Variants in RCHY1 observed in about 807,000 individuals in gnomAD.
RCHY1 encodes the protein ring finger and CHY zinc finger domain containing 1.
RCHY1 carries 21 observed loss-of-function variants against 41.6 expected under a neutral mutation model. That is an observed-to-expected ratio of 0.51 (90% CI 0.36 to 0.73). RCHY1 has a LOEUF of 0.73. RCHY1 is among the 30% of genes least tolerant of loss of function. The pLI is 0.00. For synonymous variants in RCHY1, 79 were observed against 102.9 expected (o/e 0.77, Z 1.41); for missense variants, 265 against 325.3 (o/e 0.81, Z 1.43).
intron 3 of RCHY1, among the ~76,000 whole-genome samples, chr4:75,498,975 G>A (rs74337351): frequency 0.083 from 12,617 of 152,048 alleles, 890 homozygotes; most frequent in African/African-American, 0.18. Flanking sequence ...ACAGCACAGG[G>A]AAACAAACAA....
At chr4:75,508,179 C>T (rs1203986280) in intron 3 of RCHY1, among the ~76,000 whole-genome samples, 1 of 152,078 alleles carries the variant, frequency 6.6e-6, no homozygotes, top group Non-Finnish European at 1.5e-5. Flanking sequence ...GAAGAAAGGA[C>T]TGAACACGGA....
At chr4:75,495,303 G>C (rs1039083417) in intron 3 of RCHY1, among the ~76,000 whole-genome samples, 1 of 151,776 alleles carries the variant, frequency 6.6e-6, no homozygotes. Context: ...TATACTTCTA[G>C]TACTTACAGC....
At chr4:75,491,858 A>C in intron 5 of RCHY1, 31 bp downstream of exon 5, 1 of 1,605,152 alleles carries the variant, frequency 6.2e-7, no homozygotes, top group Non-Finnish European at 8.5e-7. Flanking sequence ...AAGAGCTGAG[A>C]CTTCCAAAGT....
chr4:75,508,887 A>G lies in RCHY1; in HGVS notation c.259T>C (p.Cys87Arg). The change falls in exon 3 of 9, where the codon TGC becomes CGC. Residue 87 changes from cysteine (C) to arginine (R), a missense_variant. By Grantham distance (180) the Cys-to-Arg change is radical (BLOSUM62 -3). Transcript: ENST00000324439. ...ECSTLFGEYY[C>R]DICHLFDKDK... The stretch of plus-strand genomic sequence containing the variant: ...TTGTCAAACAAATGGCATATATCGC[A>G]ATAATATTCTCCAAACAATGTGCTA... 6.2e-7 allele frequency: 1 copy of G among 1,611,600 alleles called. No individual in the cohort carries two copies. Among genetic ancestry groups the G allele is most frequent in the Non-Finnish European group, 8.5e-7 (1 of 1,179,060 alleles).
Position 75,495,541 on chromosome 4 carries a change from G to A in RCHY1, c.327-1362C>T, listed in dbSNP as rs139943147. On this transcript the variant is annotated intron_variant, in intron 3 of 8. Transcript: ENST00000324439. ...AAAATTCTGCATTGTACCCTCAAGAGGAAAAATATGCCTTCCCTTCACCTA... is the reference window on the plus strand; with the variant it reads ...AAAATTCTGCATTGTACCCTCAAGAAGAAAAATATGCCTTCCCTTCACCTA... 9.6e-3 allele frequency among the ~76,000 whole-genome samples: 1,466 copies of A among 152,076 alleles called. 20 individuals carry two copies. Among genetic ancestry groups the A allele is most frequent in the Non-Finnish European group, 0.012 (831 of 67,924 alleles).
chr4:75,493,200 A>C (rs1161439284), intron 4 of RCHY1, among the ~76,000 whole-genome samples: 1 of 152,020 alleles, frequency 6.6e-6, no homozygotes, highest in Admixed American at 6.6e-5. Context: ...AAAAATTTAC[A>C]ATCTACTAAT....
chr4:75,495,087 A>C (rs1723076541), intron 3 of RCHY1, among the ~76,000 whole-genome samples: 4 of 151,952 alleles, frequency 2.6e-5, no homozygotes, highest in African/African-American at 9.7e-5. Context: ...CGCATGTATT[A>C]TATTTATATA....
chr4:75,485,541 T>A (rs965002291), intron 8 of RCHY1, among the ~76,000 whole-genome samples: 1 of 152,230 alleles, frequency 6.6e-6, no homozygotes, highest in Non-Finnish European at 1.5e-5. Context: ...TAACTTTTAC[T>A]CACACCATTT....
At chr4:75,494,224 A>G in intron 3 of RCHY1, 45 bp from the exon 4 acceptor site, 3 of 1,318,432 alleles carry the variant, frequency 2.3e-6, no homozygotes, top group Non-Finnish European at 3.2e-6. Flanking sequence ...ATTTTTTACT[A>G]CAGTCATGAT....
intron 1 of RCHY1, among the ~76,000 whole-genome samples, chr4:75,511,263 G>C (rs931651142): frequency 1.8e-4 from 27 of 152,254 alleles, no homozygotes; most frequent in African/African-American, 6.5e-4. Context: ...TTTAGGTATT[G>C]AAGAAAATCT....
intron 1 of RCHY1, among the ~76,000 whole-genome samples, chr4:75,512,700 A>G (rs1725034395): frequency 6.6e-6 from 1 of 151,896 alleles, no homozygotes; most frequent in Non-Finnish European, 1.5e-5. Flanking sequence ...TATAAGTGCT[A>G]TTTTCAATTC....
intron 1 of RCHY1, among the ~76,000 whole-genome samples, chr4:75,512,784 A>T (rs1725045938): frequency 6.6e-6 from 1 of 151,790 alleles, no homozygotes; most frequent in Non-Finnish European, 1.5e-5. Flanking sequence ...CAAGATCACC[A>T]GTGACCTCTT....
At chr4:75,488,225 CT>C (rs1722427069) in intron 8 of RCHY1, among the ~76,000 whole-genome samples, 1 of 151,860 alleles carries the variant, frequency 6.6e-6, no homozygotes, top group African/African-American at 2.4e-5. Context: ...ATTATGGTTA[CT>C]GTGTTATTGC....
At chr4:75,496,586 G>A (rs1316702576) in intron 3 of RCHY1, among the ~76,000 whole-genome samples, 1 of 152,070 alleles carries the variant, frequency 6.6e-6, no homozygotes, top group African/African-American at 2.4e-5. Flanking sequence ...AACAGACTGG[G>A]GAAACTCATA....
chr4:75,488,822 A>G (rs1722479813), intron 8 of RCHY1, among the ~76,000 whole-genome samples: 2 of 152,110 alleles, frequency 1.3e-5, no homozygotes, highest in Non-Finnish European at 2.9e-5. Flanking sequence ...CACTCCTATA[A>G]TCCCAGCACT....
intron 3 of RCHY1, among the ~76,000 whole-genome samples, chr4:75,503,569 C>A (rs1316285624): frequency 6.6e-6 from 1 of 152,006 alleles, no homozygotes; most frequent in Non-Finnish European, 1.5e-5. Context: ...GTGGCGAGTG[C>A]CTGTAATCCC....
chr4:75,496,295 T>C (rs1357128707), intron 3 of RCHY1, among the ~76,000 whole-genome samples: 1 of 152,040 alleles, frequency 6.6e-6, no homozygotes, highest in Non-Finnish European at 1.5e-5. Context: ...ATTTATTGCC[T>C]AGAGAGTTTT....
chr4:75,509,318 G>A, intron 1 of RCHY1, 22 bp from the exon 2 acceptor site: 1 of 1,604,040 alleles, frequency 6.2e-7, no homozygotes, highest in Admixed American at 1.7e-5. Flanking sequence ...GGAGAAAAAA[G>A]AGATATAGTA....
At chr4:75,494,288 C>T in intron 3 of RCHY1, 109 bp from the exon 4 acceptor site, 1 of 723,210 alleles carries the variant, frequency 1.4e-6, no homozygotes, top group Non-Finnish European at 2.3e-6. Context: ...TTTCCAGCCA[C>T]AATGGAGAAT....
Sources: allele counts gnomAD v4.1 joint callset (sites outside exome capture counted in the v4.1 genomes callset), GRCh38; gene constraint gnomAD v4.1.1; transcripts MANE v1.5; gene names NCBI Gene and HGNC (gene_info 2026-07-23, HGNC 2026-07-21).